ADAMTS17: variants seen among roughly 807,000 people sequenced by gnomAD.
The protein encoded by ADAMTS17 is ADAM metallopeptidase with thrombospondin type 1 motif 17, also known as A disintegrin and metalloproteinase with thrombospondin motifs 17.
Under a neutral mutation model 141.5 loss-of-function variants are expected in ADAMTS17, and 113 were observed. The ratio of observed to expected loss-of-function variants is 0.80; its 90% CI spans 0.69 to 0.93. The LOEUF is 0.93. ADAMTS17 is among the 40% of genes least tolerant of loss of function. ADAMTS17 has a pLI of 0.00. For missense variants in ADAMTS17, 1,659 were observed against 1,517.9 expected, an observed-to-expected ratio of 1.09 and a Z score of -1.54; for synonymous variants, 768 against 630.6, an observed-to-expected ratio of 1.22 and a Z score of -3.27.
intron 7 of ADAMTS17, among the ~76,000 whole-genome samples, chr15:100,252,188 A>C (rs980686517): frequency 3.9e-5 from 6 of 152,240 alleles, no homozygotes; most frequent in Non-Finnish European, 8.8e-5. Flanking sequence ...TATATTCAAA[A>C]GAAACGGAAA....
At chr15:100,131,426 G>C (rs985113084) in intron 12 of ADAMTS17, among the ~76,000 whole-genome samples, 1 of 151,688 alleles carries the variant, frequency 6.6e-6, no homozygotes, top group African/African-American at 2.4e-5. Flanking sequence ...TCTGGTGATG[G>C]AATTATCACC....
At chr15:100,047,068 T>C (rs1008795692) in intron 18 of ADAMTS17, among the ~76,000 whole-genome samples, 4 of 151,908 alleles carry the variant, frequency 2.6e-5, no homozygotes, top group Admixed American at 2.6e-4. Context: ...AGGGTAGGCC[T>C]CTAAAATGGC....
chr15:100,287,602 C>T (rs2044489528), intron 3 of ADAMTS17, among the ~76,000 whole-genome samples: 1 of 152,134 alleles, frequency 6.6e-6, no homozygotes, highest in Non-Finnish European at 1.5e-5. Context: ...CCAAGGTTGA[C>T]ATAAAATAAA....
intron 7 of ADAMTS17, 25 bp from the exon 8 acceptor site, chr15:100,199,448 C>T (rs548221763): frequency 1.2e-6 from 2 of 1,603,000 alleles, no homozygotes; most frequent in African/African-American, 2.7e-5. Flanking sequence ...CAAAACACAT[C>T]CTCTTCAGAA....
chr15:100,189,529 C>A (rs1254641229), intron 8 of ADAMTS17, among the ~76,000 whole-genome samples: 1 of 152,184 alleles, frequency 6.6e-6, no homozygotes, highest in African/African-American at 2.4e-5. Context: ...CAGCCAACCA[C>A]AGACTCACTA....
chr15:100,163,281 CT>C, intron 8 of ADAMTS17, among the ~76,000 whole-genome samples: 1 of 152,052 alleles, frequency 6.6e-6, no homozygotes, highest in Non-Finnish European at 1.5e-5. Context: ...ATTCTGTCCC[CT>C]ATTCCAGTCA....
Position 100,051,586 on chromosome 15 carries a change from A to G in ADAMTS17, c.2441T>C (p.Val814Ala). ...CGGCCACTCACCTCCGCCGCACTGCACACTGCACCCTTCCCAGCCGCTGTG... is the reference window on the plus strand; with the variant it reads ...CGGCCACTCACCTCCGCCGCACTGCGCACTGCACCCTTCCCAGCCGCTGTG... ...WTHSGWEGCSVQCGGGERRTI... is the reference protein window; with the variant it reads ...WTHSGWEGCSAQCGGGERRTI... The change falls in exon 17 of 22, where the codon GTG becomes GCG. Residue 814 changes from valine (V) to alanine (A), a missense_variant. Transcript: ENST00000268070. 6 of 1,613,834 alleles carry G rather than the reference A, an allele frequency of 3.7e-6. No individual in the cohort carries two copies. Among genetic ancestry groups the G allele is most frequent in the Non-Finnish European group, 5.1e-6 (6 of 1,179,938 alleles).
intron 10 of ADAMTS17, among the ~76,000 whole-genome samples, chr15:100,151,659 T>C (rs1459521864): frequency 6.6e-6 from 1 of 152,184 alleles, no homozygotes; most frequent in African/African-American, 2.4e-5. Flanking sequence ...GTTCCCCTAC[T>C]TCTGCCCTCC....
At chr15:99,981,411 T>C (rs1256074063) in intron 20 of ADAMTS17, among the ~76,000 whole-genome samples, 2 of 152,214 alleles carry the variant, frequency 1.3e-5, no homozygotes, top group African/African-American at 4.8e-5. Flanking sequence ...CTGCCCCTTG[T>C]AGGCATTTTA....
At chr15:100,297,912 G>A (rs1231058427) in intron 3 of ADAMTS17, among the ~76,000 whole-genome samples, 1 of 152,152 alleles carries the variant, frequency 6.6e-6, no homozygotes, top group African/African-American at 2.4e-5. Flanking sequence ...AGCAGAGCAT[G>A]ACATCCCAAG....
chr15:100,099,344 A>G (rs1286518176), intron 14 of ADAMTS17, among the ~76,000 whole-genome samples: 1 of 152,152 alleles, frequency 6.6e-6, no homozygotes, highest in Non-Finnish European at 1.5e-5. Context: ...ATTTTCTTCC[A>G]TTGTTTCAGT....
At chr15:100,263,922 G>A (rs770850513) in intron 4 of ADAMTS17, among the ~76,000 whole-genome samples, 12 of 152,210 alleles carry the variant, frequency 7.9e-5, no homozygotes, top group Non-Finnish European at 1.6e-4. Context: ...CAGGCCGAGT[G>A]GAGCCGCTCA....
intron 15 of ADAMTS17, among the ~76,000 whole-genome samples, chr15:100,071,143 A>G (rs1043506277): frequency 1.3e-5 from 2 of 150,626 alleles, no homozygotes; most frequent in Non-Finnish European, 3.0e-5. Context: ...AAAATCTAGA[A>G]GAAATGGATA....
intron 15 of ADAMTS17, among the ~76,000 whole-genome samples, chr15:100,068,206 G>A (rs535286848): frequency 2.0e-5 from 3 of 152,274 alleles, no homozygotes; most frequent in Non-Finnish European, 4.4e-5. Flanking sequence ...GGCTGGGGGA[G>A]GGGCGCCCGC....
intron 8 of ADAMTS17, among the ~76,000 whole-genome samples, chr15:100,183,382 T>G (rs2040592487): frequency 2.6e-5 from 4 of 152,218 alleles, no homozygotes; most frequent in Admixed American, 2.6e-4. Flanking sequence ...TTGAGTGAAT[T>G]ATATTCATCT....
chr15:100,277,522 G>C (rs1439633947), intron 4 of ADAMTS17, among the ~76,000 whole-genome samples: 1 of 152,118 alleles, frequency 6.6e-6, no homozygotes, highest in Middle Eastern at 3.4e-3. Context: ...TTGTGCCCTG[G>C]ATAATTAAAA....
intron 20 of ADAMTS17, chr15:99,976,446 G>C: frequency 1.5e-6 from 1 of 649,746 alleles, no homozygotes; most frequent in South Asian, 1.8e-5. Flanking sequence ...CAATGTGGCT[G>C]CCCCTGGGCT....
chr15:100,096,810 G>C (rs920569622), intron 14 of ADAMTS17, among the ~76,000 whole-genome samples: 3 of 152,260 alleles, frequency 2.0e-5, no homozygotes, highest in Non-Finnish European at 2.9e-5. Flanking sequence ...TGGGGAGAGA[G>C]TGAAGCCTGA....
intron 10 of ADAMTS17, among the ~76,000 whole-genome samples, chr15:100,139,287 T>A (rs28480406): frequency 0.023 from 3,444 of 152,322 alleles, 118 homozygotes; most frequent in African/African-American, 0.079. Context: ...AAGCCTGAGA[T>A]GAAATGATTT....
Sources: gnomAD v4.1 joint callset for allele counts (sites outside exome capture counted in the v4.1 genomes callset) on GRCh38, gnomAD v4.1.1 for gene constraint, MANE v1.5 for transcripts, NCBI Gene and HGNC (gene_info 2026-07-23, HGNC 2026-07-21) for gene names.